TRAPPC8: variants seen among roughly 807,000 people sequenced by gnomAD.
TRAPPC8 encodes general sporulation gene 1 homolog.
Under a neutral mutation model 174.3 loss-of-function variants are expected in TRAPPC8, and 54 were observed. That is an observed-to-expected ratio of 0.31 (90% CI 0.25 to 0.39). The LOEUF is 0.39. Among genes scored for constraint, TRAPPC8 ranks in the 10% least tolerant of loss-of-function variants. The pLI is 1.00. For synonymous variants in TRAPPC8, 630 were observed against 579.9 expected, an observed-to-expected ratio of 1.09 and a Z score of -1.24; for missense variants, 1,531 against 1,699.1, an observed-to-expected ratio of 0.90 and a Z score of 1.74.
intron 20 of TRAPPC8, 81 bp downstream of exon 20, chr18:31,857,459 G>GT (rs2034081658): frequency 2.6e-6 from 3 of 1,146,956 alleles, no homozygotes; most frequent in Non-Finnish European, 3.6e-6. Context: ...TAACATGTTA[G>GT]TAAATATCAA....
intron 1 of TRAPPC8, among the ~76,000 whole-genome samples, chr18:31,933,300 CAAAAAAAAAAA>C (rs770309579): frequency 1.1e-5 from 1 of 91,608 alleles, no homozygotes; most frequent in Non-Finnish European, 2.2e-5. Flanking sequence ...GACTCCGTCT[CAAAAAAAAAAA>C]AAAAAAAAAG....
intron 19 of TRAPPC8, among the ~76,000 whole-genome samples, chr18:31,863,513 C>T (rs1182569073): frequency 2.6e-5 from 4 of 151,962 alleles, no homozygotes; most frequent in African/African-American, 9.7e-5. Flanking sequence ...CCATATGTAA[C>T]GGTTAAAAAG....
intron 2 of TRAPPC8, among the ~76,000 whole-genome samples, chr18:31,927,625 A>C (rs2037673161): frequency 1.3e-5 from 2 of 151,756 alleles, no homozygotes; most frequent in South Asian, 4.2e-4. Context: ...CTGGTCTTGA[A>C]CTCCTGGCCT....
intron 27 of TRAPPC8, among the ~76,000 whole-genome samples, chr18:31,836,983 T>G (rs530320129): frequency 6.6e-6 from 1 of 151,884 alleles, no homozygotes; most frequent in Non-Finnish European, 1.5e-5. Flanking sequence ...AGGATGGTCT[T>G]GATCTCCTGA....
At chr18:31,941,853 T>G (rs1811051983) in intron 1 of TRAPPC8, among the ~76,000 whole-genome samples, 1 of 152,292 alleles carries the variant, frequency 6.6e-6, no homozygotes, top group South Asian at 2.1e-4. Context: ...CACATTATTT[T>G]CTCCTAATAA....
chr18:31,873,040 CAA>C (rs2034959425), intron 14 of TRAPPC8, among the ~76,000 whole-genome samples: 2 of 67,124 alleles, frequency 3.0e-5, no homozygotes, highest in Non-Finnish European at 5.2e-5. Context: ...TTTTTTGAGA[CAA>C]AGTTTCACTC....
At chr18:31,874,430 C>A in intron 13 of TRAPPC8, 50 bp downstream of exon 13, 1 of 1,503,324 alleles carries the variant, frequency 6.7e-7, no homozygotes, top group South Asian at 1.1e-5. Context: ...AATACTTTCA[C>A]ACTAAAATAC....
At chr18:31,919,533 A>AAAATAAATAAAT (rs200943530) in intron 2 of TRAPPC8, among the ~76,000 whole-genome samples, 7 of 115,646 alleles carry the variant, frequency 6.1e-5, no homozygotes, top group South Asian at 2.9e-4. Context: ...ACTCAGTCTC[A>AAAATAAATAAAT]AAATAAATAA....
In TRAPPC8 at chr18:31,871,007, T is replaced by A; in HGVS notation, c.2176A>T (p.Ile726Phe). 1 of 1,611,722 alleles carries A rather than the reference T, an allele frequency of 6.2e-7. No individual in the cohort carries two copies. The highest frequency in any genetic ancestry group is 1.1e-5 in the South Asian group (1 of 90,748). ...QVVSVVNKGV[I>F]PSNFHPTQYC... ...TGTGTGGGATGAAAATTGGATGGAA[T>A]TACTCCTTTGTTAACCACAGAAACA... The change falls in exon 15 of 29, where the codon ATT becomes TTT. Residue 726 changes from isoleucine (I) to phenylalanine (F), a missense_variant. Coordinates refer to ENST00000283351, the MANE Select transcript of TRAPPC8 (RefSeq NM_014939.5).
chr18:31,934,589 T>G (rs1234604499), intron 1 of TRAPPC8, among the ~76,000 whole-genome samples: 2 of 152,142 alleles, frequency 1.3e-5, no homozygotes, highest in African/African-American at 4.8e-5. Context: ...GCTTCATAGC[T>G]GGGCGCAGTG....
intron 28 of TRAPPC8, among the ~76,000 whole-genome samples, chr18:31,831,705 G>T (rs2032382196): frequency 6.6e-6 from 1 of 152,092 alleles, no homozygotes; most frequent in South Asian, 2.1e-4. Flanking sequence ...CACATATATA[G>T]GTGTGTGTTT....
Position 31,942,689 on chromosome 18 carries a change from C to T in TRAPPC8, c.76G>A (p.Asp26Asn). ...AGACGAGTGAGCCGCTCGGCTTCGTCGCTGCACAGCGCAGCGACACAGGGG... is the reference window on the plus strand; with the variant it reads ...AGACGAGTGAGCCGCTCGGCTTCGTTGCTGCACAGCGCAGCGACACAGGGG... ...FVPCVAALCS[D>N]EAERLTRLNH... Residue 26 changes from aspartate (D) to asparagine (N), a missense_variant, in exon 1 of 29, where the codon GAC becomes AAC. By Grantham distance (23) the Asp-to-Asn change is conservative. Transcript: ENST00000283351. The T allele has an allele frequency of 6.2e-7, 1 of 1,608,252 alleles. No individual in the cohort carries two copies. The highest frequency in any genetic ancestry group is 8.5e-7 in the Non-Finnish European group (1 of 1,177,528).
At chr18:31,852,338 C>T (rs2033752203) in intron 24 of TRAPPC8, 108 bp downstream of exon 24, 3 of 1,228,090 alleles carry the variant, frequency 2.4e-6, no homozygotes, top group Admixed American at 2.1e-5. Flanking sequence ...CCTTGTCTCC[C>T]CCCCAAAAAA....
rs35793916 is a variant in TRAPPC8 at position 31,903,123 on chromosome 18, T to TGCGTGC, written c.1390-2099_1390-2098insGCACGC. Among the ~76,000 whole-genome samples the TGCGTGC allele has an allele frequency of 1.8e-3, 255 of 144,736 alleles. 1 individual carries two copies. Among genetic ancestry groups the TGCGTGC allele is most frequent in the Middle Eastern group, 7.1e-3 (2 of 282 alleles). The allele number at this position is 144,736 out of a possible 152,430, so 95.0% of individuals were successfully genotyped here. Reference sequence around the variant, plus strand: ...TTGATTGCGCGCGTGCGTGCGTGCGTGTGTGTGTGTGTGTGTGTGTTTTCC... The same window carrying TGCGTGC: ...TTGATTGCGCGCGTGCGTGCGTGCGTGCGTGCGTGTGTGTGTGTGTGTGTGTTTTCC... On this transcript the variant is annotated intron_variant, in intron 9 of 28. Transcript: ENST00000283351.
intron 26 of TRAPPC8, among the ~76,000 whole-genome samples, chr18:31,843,538 GCTTACTGTGTA>G (rs1307627618): frequency 6.6e-6 from 1 of 152,158 alleles, no homozygotes; most frequent in Admixed American, 6.5e-5. Flanking sequence ...CAATCTTAAA[GCTTACTGTGTA>G]CTATCTATTT....
At chr18:31,840,518 T>C (rs2033033736) in intron 26 of TRAPPC8, among the ~76,000 whole-genome samples, 1 of 152,204 alleles carries the variant, frequency 6.6e-6, no homozygotes, top group Non-Finnish European at 1.5e-5. Flanking sequence ...AGGAGAATAT[T>C]TGATTTATAA....
chr18:31,874,168 A>T (rs543561075), intron 13 of TRAPPC8: 3 of 385,916 alleles, frequency 7.8e-6, no homozygotes, highest in East Asian at 8.7e-5. Context: ...CAACTGTAAA[A>T]TCAGTTGTGA....
At chr18:31,866,742 TA>T in intron 18 of TRAPPC8, 106 bp downstream of exon 18, 3 of 1,292,242 alleles carry the variant, frequency 2.3e-6, no homozygotes, top group Non-Finnish European at 3.1e-6. Flanking sequence ...TGTCTTTACT[TA>T]ACGATACATT....
chr18:31,848,434 C>A (rs930093944), intron 25 of TRAPPC8, among the ~76,000 whole-genome samples: 1 of 152,226 alleles, frequency 6.6e-6, no homozygotes, highest in Admixed American at 6.5e-5. Flanking sequence ...GACACAAATG[C>A]CAAAGATCGT....
Sources: allele counts gnomAD v4.1 joint callset (sites outside exome capture counted in the v4.1 genomes callset), GRCh38; gene constraint gnomAD v4.1.1; transcripts MANE v1.5; gene names NCBI Gene and HGNC (gene_info 2026-07-23, HGNC 2026-07-21).